Variants in ADD3 observed in about 807,000 individuals in gnomAD.
ADD3 encodes gamma-adducin.
In ADD3, 25 loss-of-function variants were observed where a neutral mutation model predicts 80.2. That is an observed-to-expected ratio of 0.31 (90% confidence interval 0.23 to 0.44). The LOEUF is 0.44. ADD3 is among the 20% of genes least tolerant of loss of function. ADD3 has a pLI of 1.00. For missense variants in ADD3, 829 were observed against 847.5 expected (o/e 0.98, Z 0.27); for synonymous variants, 284 against 289.6 (o/e 0.98, Z 0.20).
At chr10:110,061,353 C>CT (rs35542149) in intron 1 of ADD3, among the ~76,000 whole-genome samples, 4 of 151,904 alleles carry the variant, frequency 2.6e-5, no homozygotes, top group South Asian at 2.1e-4. Flanking sequence ...GGTTGTCAGT[C>CT]TTTTTTTTGG....
At chr10:110,067,340 A>G (rs1465564771) in intron 1 of ADD3, among the ~76,000 whole-genome samples, 2 of 152,210 alleles carry the variant, frequency 1.3e-5, no homozygotes, top group Non-Finnish European at 2.9e-5. Flanking sequence ...ATAAATGTAT[A>G]TTATGTTATT....
chr10:110,044,896 A>G (rs1401546108), intron 1 of ADD3, among the ~76,000 whole-genome samples: 1 of 152,206 alleles, frequency 6.6e-6, no homozygotes, highest in Non-Finnish European at 1.5e-5. Flanking sequence ...ATAGATTGCT[A>G]TGTGCATTTG....
Position 110,090,385 on chromosome 10 carries a change from A to G in ADD3, c.-29-10240A>G, listed in dbSNP as rs150851288. On this transcript the variant is annotated intron_variant, in intron 1 of 14. Transcript: ENST00000356080. ...TAGGCATGTATCACCACGCCCAGCT[A>G]ATGTTTTGTATTTTTAGTAGAGGTG... 6.1e-3 allele frequency among the ~76,000 whole-genome samples: 923 copies of G among 151,838 alleles called. 10 individuals carry two copies. Among genetic ancestry groups the G allele is most frequent in the African/African-American group, 0.021 (874 of 41,382 alleles).
intron 14 of ADD3, 63 bp from the exon 15 acceptor site, chr10:110,133,263 G>T: frequency 6.7e-7 from 1 of 1,487,200 alleles, no homozygotes; most frequent in Non-Finnish European, 9.0e-7. Flanking sequence ...TTTCAGTTTT[G>T]TAAAGTAGAG....
intron 8 of ADD3, among the ~76,000 whole-genome samples, chr10:110,120,830 C>T (rs1022736943): frequency 2.0e-5 from 3 of 152,212 alleles, no homozygotes; most frequent in African/African-American, 7.2e-5. Context: ...GAACGGAGCC[C>T]TCAGAAATAA....
At chr10:110,020,787 A>G (rs1853580335) in intron 1 of ADD3, among the ~76,000 whole-genome samples, 2 of 152,226 alleles carry the variant, frequency 1.3e-5, no homozygotes, top group South Asian at 2.1e-4. Flanking sequence ...TTTTAAAGAT[A>G]GAATCAATAG....
chr10:110,003,302 G>GGGGTGTGTGTGTGTGTGTGTGT (rs140966434), upstream of ADD3, among the ~76,000 whole-genome samples: 3,391 of 146,936 alleles, frequency 0.023, 101 homozygotes, highest in East Asian at 0.14. Context: ...GAACAGTAAG[G>GGGGTGTGTGTGTGTGTGTGTGT]GTGTGTGTGT....
chr10:110,129,380 C>T (rs371961578), intron 12 of ADD3, among the ~76,000 whole-genome samples: 16 of 152,086 alleles, frequency 1.1e-4, no homozygotes, highest in African/African-American at 3.9e-4. Flanking sequence ...AACTCTGGAC[C>T]TCAGGTGATC....
intron 1 of ADD3, among the ~76,000 whole-genome samples, chr10:110,077,331 A>G (rs564371920): frequency 2.7e-4 from 41 of 150,180 alleles, no homozygotes; most frequent in Non-Finnish European, 4.7e-4. Flanking sequence ...CAGTTTACTG[A>G]ATTGTTATTT....
chr10:110,046,009 T>C (rs1012160455), intron 1 of ADD3, among the ~76,000 whole-genome samples: 6 of 152,220 alleles, frequency 3.9e-5, no homozygotes, highest in African/African-American at 1.4e-4. Context: ...TGTGTATCTT[T>C]CATTGTGTCT....
At chr10:110,122,337 A>T in intron 9 of ADD3, 45 bp downstream of exon 9, 1 of 1,559,198 alleles carries the variant, frequency 6.4e-7, no homozygotes, top group South Asian at 1.2e-5. Context: ...ATGTCTTCAG[A>T]TTCAAGAGCA....
At chr10:110,097,016 G>T (rs1458035434) in intron 1 of ADD3, among the ~76,000 whole-genome samples, 2 of 152,024 alleles carry the variant, frequency 1.3e-5, no homozygotes, top group Non-Finnish European at 1.5e-5. Context: ...TGAACATAGG[G>T]GTATTTTTCT....
At chr10:110,097,138 C>T (rs1188188475) in intron 1 of ADD3, among the ~76,000 whole-genome samples, 2 of 152,170 alleles carry the variant, frequency 1.3e-5, no homozygotes, top group Non-Finnish European at 2.9e-5. Flanking sequence ...AATGTTACTA[C>T]CTCTGTTACT....
At chr10:110,100,465 T>C (rs1848686042) in intron 1 of ADD3, among the ~76,000 whole-genome samples, 160 bp from the exon 2 acceptor site, 1 of 152,180 alleles carries the variant, frequency 6.6e-6, no homozygotes, top group Non-Finnish European at 1.5e-5. Context: ...CTAAGATCTT[T>C]TTATATGAAT....
In ADD3 at chr10:110,055,343, A is replaced by G. The variant is rs577844334; in HGVS notation, c.-29-45282A>G. ...TGCTATTACCCTTAATTTCAGAAAT[A>G]TTACACGTGGTACTTCTTGAACGTT... On this transcript the variant is annotated intron_variant, in intron 1 of 14. Transcript: ENST00000356080. Among the ~76,000 whole-genome samples the G allele has an allele frequency of 2.6e-4, 39 of 152,306 alleles. No individual in the cohort carries two copies. The South Asian group carries it at 7.7e-3, about 30-fold the overall frequency.
chr10:110,044,813 T>C (rs972997936), intron 1 of ADD3, among the ~76,000 whole-genome samples: 2 of 152,244 alleles, frequency 1.3e-5, no homozygotes, highest in African/African-American at 4.8e-5. Flanking sequence ...TATGACCTTA[T>C]CAAATGCTGT....
rs774643422 is a variant in ADD3, at chr10:110,116,337, G to C, written c.413G>C (p.Arg138Pro). The C allele has an allele frequency of 6.2e-7, 1 of 1,614,072 alleles. No individual in the cohort carries two copies. The highest frequency in any genetic ancestry group is 1.1e-5 in the South Asian group (1 of 91,082). ...TATGTGAAGGGAGAAAAACTTACTC[G>C]CTGTAAACTTGCCAGCCTGTACAGA... ...SSYVKGEKLT[R>P]CKLASLYRLV... Residue 138 changes from arginine to proline, a missense_variant, in exon 4 of 15, where the codon CGC (arginine) becomes CCC (proline). Transcript: ENST00000356080.
At chr10:110,083,482 C>T (rs1322084542) in intron 1 of ADD3, among the ~76,000 whole-genome samples, 1 of 151,730 alleles carries the variant, frequency 6.6e-6, no homozygotes, top group African/African-American at 2.4e-5. Flanking sequence ...CGCCACTGCA[C>T]TCCAGCCTGG....
chr10:110,094,089 A>G (rs1475035973), intron 1 of ADD3, among the ~76,000 whole-genome samples: 1 of 152,118 alleles, frequency 6.6e-6, no homozygotes, highest in Non-Finnish European at 1.5e-5. Flanking sequence ...TTGTACATCT[A>G]TTTTTCTGTG....
Sources: gnomAD v4.1 joint callset for allele counts (sites outside exome capture counted in the v4.1 genomes callset) on GRCh38, gnomAD v4.1.1 for gene constraint, MANE v1.5 for transcripts, NCBI Gene and HGNC (gene_info 2026-07-23, HGNC 2026-07-21) for gene names.